The following NLGN4X variants were observed in gnomAD, a reference collection of about 807,000 sequenced individuals.
NLGN4X encodes the protein neuroligin-4, X-linked.
A neutral mutation model predicts 40.3 loss-of-function variants in NLGN4X; 3 were observed. The observed-to-expected ratio is 0.07, with a 90% confidence interval of 0.03 to 0.19. The LOEUF is 0.19. Ranked by LOEUF, NLGN4X falls within the 10% of genes least tolerant of loss-of-function variation. The pLI is 1.00. For synonymous variants in NLGN4X, 270 were observed against 306.8 expected (o/e 0.88, Z 1.25); for missense variants, 382 against 708.3 (o/e 0.54, Z 5.23).
intron 1 of NLGN4X, among the ~76,000 whole-genome samples, chrX:6,160,740 C>A (rs769874342): frequency 7.5e-4 from 82 of 109,001 alleles, no homozygotes; most frequent in Non-Finnish European, 1.5e-3. Context: ...CCAGGCTAGT[C>A]TTGAACTCCT....
chrX:6,145,163 G>A (rs1186472812), intron 2 of NLGN4X, among the ~76,000 whole-genome samples: 1 of 111,370 alleles, frequency 9.0e-6, no homozygotes, highest in African/African-American at 3.3e-5. Context: ...CACAAGAACA[G>A]CCCAGTTTTA....
intron 2 of NLGN4X, among the ~76,000 whole-genome samples, chrX:6,143,823 A>C (rs1181735364): frequency 8.9e-6 from 1 of 112,281 alleles, no homozygotes; most frequent in Non-Finnish European, 1.9e-5. Context: ...CAACTCTTTA[A>C]AAATTTAAAA....
chrX:6,211,924 A>T (rs1326298671), intron 1 of NLGN4X, among the ~76,000 whole-genome samples: 2 of 111,544 alleles, frequency 1.8e-5, no homozygotes, highest in Non-Finnish European at 3.8e-5. Flanking sequence ...TTCCTTCACC[A>T]TAAGAAAAAA....
intron 3 of NLGN4X, among the ~76,000 whole-genome samples, chrX:5,929,594 A>G (rs1018449639): frequency 7.1e-5 from 8 of 112,500 alleles, no homozygotes; most frequent in Non-Finnish European, 1.5e-4. Flanking sequence ...GCACACACAC[A>G]TATTTCACAC....
At chrX:6,164,686 C>A (rs1199420891) in intron 1 of NLGN4X, among the ~76,000 whole-genome samples, 1 of 111,562 alleles carries the variant, frequency 9.0e-6, no homozygotes, top group Non-Finnish European at 1.9e-5. Context: ...TGTGCAATAT[C>A]CGAAAAGCTG....
intron 3 of NLGN4X, among the ~76,000 whole-genome samples, chrX:5,946,374 T>C (rs917219996): frequency 8.9e-6 from 1 of 112,122 alleles, no homozygotes; most frequent in African/African-American, 3.2e-5. Flanking sequence ...TTACTTATCA[T>C]TTATTGTCCA....
At chrX:5,989,429 C>T (rs1189676368) in intron 3 of NLGN4X, among the ~76,000 whole-genome samples, 1 of 112,248 alleles carries the variant, frequency 8.9e-6, no homozygotes, top group Non-Finnish European at 1.9e-5. Context: ...GATATCCTTG[C>T]TAAATTATAT....
chrX:6,033,652 T>C (rs1203539885), intron 2 of NLGN4X, among the ~76,000 whole-genome samples: 1 of 112,325 alleles, frequency 8.9e-6, no homozygotes, highest in African/African-American at 3.2e-5. Flanking sequence ...CGAAGTCATC[T>C]ACCTTGATCA....
chrX:6,180,148 T>G (rs997946431), intron 1 of NLGN4X, among the ~76,000 whole-genome samples: 3 of 112,002 alleles, frequency 2.7e-5, no homozygotes, highest in African/African-American at 9.7e-5. Flanking sequence ...TAAGTGAATT[T>G]CCATGCGAGA....
chrX:6,106,064 C>T (rs1195816218), intron 2 of NLGN4X, among the ~76,000 whole-genome samples: 1 of 111,470 alleles, frequency 9.0e-6, no homozygotes, highest in Non-Finnish European at 1.9e-5. Context: ...ATGCAGCACC[C>T]TCAGAGGAAT....
At chrX:6,139,883 T>G in intron 2 of NLGN4X, among the ~76,000 whole-genome samples, 1 of 111,368 alleles carries the variant, frequency 9.0e-6, no homozygotes, top group South Asian at 3.8e-4. Flanking sequence ...CTAAAATGCC[T>G]CTAAAGAAAA....
intron 1 of NLGN4X, among the ~76,000 whole-genome samples, chrX:6,218,600 T>A (rs184425666): frequency 8.9e-6 from 1 of 111,743 alleles, no homozygotes; most frequent in East Asian, 2.8e-4. Flanking sequence ...ATAGGAAAGA[T>A]AAGCAATTTC....
intron 2 of NLGN4X, among the ~76,000 whole-genome samples, chrX:6,035,233 G>C (rs2036972105): frequency 9.0e-6 from 1 of 111,311 alleles, no homozygotes; most frequent in Non-Finnish European, 1.9e-5. Context: ...CCAGTTTATG[G>C]CTTGTCTTTT....
At chrX:6,175,306 T>C (rs1179008489) in intron 1 of NLGN4X, among the ~76,000 whole-genome samples, 1 of 111,146 alleles carries the variant, frequency 9.0e-6, no homozygotes, top group Non-Finnish European at 1.9e-5. Context: ...ATTATCTCTG[T>C]ATTTCTGCCT....
chrX:5,961,011 CTTTAT>C (rs2034645743), intron 3 of NLGN4X, among the ~76,000 whole-genome samples: 2 of 111,033 alleles, frequency 1.8e-5, no homozygotes, highest in South Asian at 3.7e-4. Context: ...TATTTATTTA[CTTTAT>C]TTTATTTTTA....
chrX:6,138,829 T>C (rs1352127155), intron 2 of NLGN4X, among the ~76,000 whole-genome samples: 1 of 111,003 alleles, frequency 9.0e-6, no homozygotes, highest in Non-Finnish European at 1.9e-5. Flanking sequence ...AAGTTGACTC[T>C]ATCGTTTCCG....
rs747121969 is a variant in NLGN4X at position 5,902,953 on chromosome X, T to G, written c.1601+124A>C. The G allele has an allele frequency of 1.8e-4, 136 of 754,276 alleles. No homozygotes were observed. In the African/African-American group the frequency reaches 2.4e-3, roughly 13 times the overall value. The allele number at this position is 754,276 out of a possible 1,213,427, so 62.2% of individuals were successfully genotyped here. A position where few individuals can be genotyped will look rare whatever the true frequency, so the allele number is the denominator to read the frequency against. The stretch of plus-strand genomic sequence containing the variant: ...AAGCGTGTGTCTGTGTGTATGTGTG[T>G]GCATGCATGTGTATGTGTGTGTATG... On this transcript the variant is annotated intron_variant, in intron 5 of 5. Transcript: ENST00000381095.
At chrX:5,984,225 A>T (rs2035466852) in intron 3 of NLGN4X, among the ~76,000 whole-genome samples, 1 of 111,517 alleles carries the variant, frequency 9.0e-6, no homozygotes, top group Non-Finnish European at 1.9e-5. Flanking sequence ...TTAATCCTTG[A>T]AATGTAATGA....
intron 3 of NLGN4X, among the ~76,000 whole-genome samples, chrX:6,018,951 G>A (rs190180347): frequency 3.0e-4 from 34 of 112,288 alleles, no homozygotes; most frequent in African/African-American, 1.0e-3. Context: ...TCAAAAAAGC[G>A]ATTATTATTA....
Sources: gnomAD v4.1 joint callset for allele counts (sites outside exome capture counted in the v4.1 genomes callset) on GRCh38, gnomAD v4.1.1 for gene constraint, MANE v1.5 for transcripts, NCBI Gene and HGNC (gene_info 2026-07-23, HGNC 2026-07-21) for gene names.